The following PCDHA6 variants were observed in gnomAD, a reference collection of about 807,000 sequenced individuals.
The protein encoded by PCDHA6 is protocadherin alpha 6, also known as protocadherin alpha-6.
PCDHA6 carries 55 observed loss-of-function variants against 60.3 expected under a neutral mutation model. That is an observed-to-expected ratio of 0.91 (90% CI 0.73 to 1.14). The LOEUF (loss-of-function observed/expected upper bound fraction) is 1.14, where lower values mean the gene tolerates loss of function less well. Among genes scored for constraint, PCDHA6 ranks in the 50% most tolerant of loss-of-function variants. The pLI, the probability that PCDHA6 is intolerant of heterozygous loss-of-function variation, is 0.00. For missense variants in PCDHA6, 1,327 were observed against 1,256.5 expected (o/e 1.06, Z -0.85); for synonymous variants, 652 against 557.9 (o/e 1.17, Z -2.38).
intron 1 of PCDHA6, among the ~76,000 whole-genome samples, chr5:140,955,987 A>T (rs1185683030): frequency 6.6e-6 from 1 of 152,198 alleles, no homozygotes; most frequent in Non-Finnish European, 1.5e-5. Context: ...CAATTTTTGC[A>T]CATTGATTTT....
chr5:140,850,216 A>C lies in PCDHA6; in HGVS notation c.2394+19731A>C. 5 of 1,593,446 alleles carry C rather than the reference A, an allele frequency of 3.1e-6. No individual in the cohort carries two copies. The East Asian group carries it at 1.1e-4, about 36-fold the overall frequency. ...CTGACACCTCGGATGAGGGGCACTG[A>C]CGGCGCAGTGAGCGAGATGGTGCTG... On this transcript the variant is annotated intron_variant, in intron 1 of 3. Transcript: ENST00000529310.
chr5:140,840,228 G>A (rs1554137738), intron 1 of PCDHA6, among the ~76,000 whole-genome samples: 1 of 152,042 alleles, frequency 6.6e-6, no homozygotes, highest in African/African-American at 2.4e-5. Flanking sequence ...ATGAGTAAAT[G>A]TGGAGAATCA....
At chr5:140,831,487 G>GCAGC (rs1554133250) in intron 1 of PCDHA6, among the ~76,000 whole-genome samples, 60 of 89,824 alleles carry the variant, frequency 6.7e-4, no homozygotes, top group African/African-American at 2.9e-3. Flanking sequence ...AGCCTCTGGA[G>GCAGC]TTACTACACA....
chr5:140,971,401 G>A (rs2096476846), intron 1 of PCDHA6, among the ~76,000 whole-genome samples: 1 of 152,164 alleles, frequency 6.6e-6, no homozygotes, highest in Admixed American at 6.5e-5. Context: ...ATTTCTGCCA[G>A]GCACTTTTGG....
intron 1 of PCDHA6, chr5:140,867,891 G>C (rs1468636250): frequency 1.3e-5 from 2 of 152,016 alleles, no homozygotes; most frequent in African/African-American, 4.8e-5. Flanking sequence ...CACAATATCA[G>C]GTACTTACAG....
At chr5:140,882,108 A>T in intron 1 of PCDHA6, 4 of 1,370,912 alleles carry the variant, frequency 2.9e-6, no homozygotes, top group Non-Finnish European at 3.9e-6. Context: ...TCCGCGAAGA[A>T]AGCCGCCGTT....
rs2150261157 is a variant in PCDHA6, at chr5:140,836,447, C to T, written c.2394+5962C>T. On this transcript the variant is annotated intron_variant, in intron 1 of 3. Transcript: ENST00000529310. ...CGCGGGCATCGTTGGGCATTGCAGG[C>T]CCAGAGACCGAGCTGGTGGATGTCA... is the stretch of plus-strand genomic sequence containing the variant. 26 of 1,613,828 alleles carry T rather than the reference C, an allele frequency of 1.6e-5. No individual in the cohort carries two copies. In the African/African-American group the frequency reaches 3.1e-4, roughly 19 times the overall value.
At chr5:140,967,885 A>G in intron 1 of PCDHA6, 1 of 1,614,134 alleles carries the variant, frequency 6.2e-7, no homozygotes, top group South Asian at 1.1e-5. Context: ...TGTATAGCCC[A>G]GTGCCTGAGA....
chr5:140,935,051 C>T (rs1554210307), intron 1 of PCDHA6, among the ~76,000 whole-genome samples: 1 of 152,096 alleles, frequency 6.6e-6, no homozygotes, highest in African/African-American at 2.4e-5. Context: ...TCTGGTATTA[C>T]AAGATGTTCA....
chr5:140,856,169 G>C lies in PCDHA6; in HGVS notation c.2394+25684G>C, dbSNP rs200441286. ...CTCAGTCTACGAGGAGGCCAGACAC[G>C]GCACCTTCGTGGGCCGCATCGCGCA... On this transcript the variant is annotated intron_variant, in intron 1 of 3. Coordinates refer to ENST00000529310, the MANE Select transcript of PCDHA6 (RefSeq NM_018909.4). 4 of 1,598,346 alleles carry C rather than the reference G, an allele frequency of 2.5e-6. 1 individual carries two copies. Among genetic ancestry groups the C allele is most frequent in the Non-Finnish European group, 3.4e-6 (4 of 1,167,908 alleles).
intron 1 of PCDHA6, among the ~76,000 whole-genome samples, chr5:140,837,515 A>AT (rs1775086466): frequency 2.1e-5 from 2 of 96,498 alleles, no homozygotes; most frequent in Admixed American, 9.8e-5. Flanking sequence ...GAAGCAGTTT[A>AT]CTTTTTTTGT....
At chr5:140,838,280 A>ATT (rs2150286950) in intron 1 of PCDHA6, among the ~76,000 whole-genome samples, 8,551 of 139,516 alleles carry the variant, frequency 0.061, 861 homozygotes, top group African/African-American at 0.2. Flanking sequence ...AGCCATGCTA[A>ATT]TTTTTTTTTT....
chr5:140,918,660 A>G (rs1490487097), intron 1 of PCDHA6, among the ~76,000 whole-genome samples: 1 of 152,200 alleles, frequency 6.6e-6, no homozygotes, highest in Non-Finnish European at 1.5e-5. Context: ...TCTCATGTTG[A>G]TGGTATGAAG....
At chr5:140,923,577 G>C (rs1456273088) in intron 1 of PCDHA6, among the ~76,000 whole-genome samples, 3 of 152,196 alleles carry the variant, frequency 2.0e-5, no homozygotes, top group Non-Finnish European at 4.4e-5. Context: ...CTGCTAAAGA[G>C]AAGGTTTGTT....
At chr5:140,885,592 G>T (rs1428219345) in intron 1 of PCDHA6, among the ~76,000 whole-genome samples, 3 of 152,102 alleles carry the variant, frequency 2.0e-5, no homozygotes, top group Non-Finnish European at 2.9e-5. Flanking sequence ...ATGCATCAAA[G>T]ATATTAATAA....
At chr5:140,848,956 T>C in intron 1 of PCDHA6, 2 of 1,606,732 alleles carry the variant, frequency 1.2e-6, no homozygotes, top group Non-Finnish European at 1.7e-6. Flanking sequence ...CGGTTTCCAC[T>C]AGAGGGCGCG....
At position 141,010,458 on chromosome 5, in the gene PCDHA6, T is replaced by C. The variant is rs2098417373; in HGVS notation, c.*521T>C. The C allele has an allele frequency of 1.1e-6, 1 of 871,194 alleles. No individual in the cohort carries two copies. The highest frequency in any genetic ancestry group is 1.7e-6 in the Non-Finnish European group (1 of 592,130). 54.0% of individuals were successfully genotyped at this position (871,194 alleles called of 1,614,324 possible). On this transcript the variant is annotated 3_prime_UTR_variant, in exon 4 of 4. Coordinates refer to ENST00000529310, the MANE Select transcript of PCDHA6 (RefSeq NM_018909.4). ...AAAGACAAATAAACAGCGGAAGTTA[T>C]CAGTATGGAGGGGAAGTGTAAACTT...
chr5:140,953,127 G>A (rs909395659), intron 1 of PCDHA6, among the ~76,000 whole-genome samples: 2 of 152,060 alleles, frequency 1.3e-5, no homozygotes, highest in African/African-American at 4.8e-5. Flanking sequence ...GATCTAAACC[G>A]TATCACTGTT....
At chr5:140,987,223 A>C (rs1269747690) in intron 3 of PCDHA6, among the ~76,000 whole-genome samples, 1 of 151,456 alleles carries the variant, frequency 6.6e-6, no homozygotes, top group African/African-American at 2.4e-5. Flanking sequence ...CAAAAAAAAA[A>C]AAAATAATAA....
Sources: gnomAD v4.1 joint callset for allele counts (sites outside exome capture counted in the v4.1 genomes callset) on GRCh38, gnomAD v4.1.1 for gene constraint, MANE v1.5 for transcripts, NCBI Gene and HGNC (gene_info 2026-07-23, HGNC 2026-07-21) for gene names.